Variants in SLC44A5 observed in about 807,000 individuals in gnomAD.
The protein encoded by SLC44A5 is solute carrier family 44 member 5.
SLC44A5 carries 57 observed loss-of-function variants against 101.8 expected under a neutral mutation model. That is an observed-to-expected ratio of 0.56 (90% CI 0.45 to 0.70). SLC44A5 has a LOEUF of 0.70. Ranked by LOEUF, SLC44A5 falls within the 30% of genes least tolerant of loss-of-function variation. SLC44A5 has a pLI of 0.00. For missense variants in SLC44A5, 737 were observed against 853.1 expected (o/e 0.86, Z 1.70); for synonymous variants, 281 against 290.9 (o/e 0.97, Z 0.35).
At chr1:75,342,414 A>G (rs1657952546) in intron 3 of SLC44A5, among the ~76,000 whole-genome samples, 1 of 152,172 alleles carries the variant, frequency 6.6e-6, no homozygotes, top group Non-Finnish European at 1.5e-5. Context: ...TTTCAATGTA[A>G]TAAAATATGC....
the SLC44A5 span, among the ~76,000 whole-genome samples, chr1:75,651,236 G>A: frequency 6.6e-6 from 1 of 152,008 alleles, no homozygotes; most frequent in African/African-American, 2.4e-5. Flanking sequence ...TGTAGTTTAG[G>A]GGTACTCCTT....
intron 2 of SLC44A5, among the ~76,000 whole-genome samples, chr1:75,429,711 A>G (rs1427267812): frequency 6.6e-5 from 10 of 152,018 alleles, no homozygotes; most frequent in African/African-American, 2.4e-4. Flanking sequence ...GGCAAGAGAG[A>G]GTGAGAGATC....
At chr1:75,363,762 T>C (rs1225575718) in intron 3 of SLC44A5, among the ~76,000 whole-genome samples, 1 of 152,220 alleles carries the variant, frequency 6.6e-6, no homozygotes, top group African/African-American at 2.4e-5. Flanking sequence ...CTTATTTGAT[T>C]GACTTTTGTA....
At chr1:75,569,817 T>A (rs1672980073) in intron 1 of SLC44A5, among the ~76,000 whole-genome samples, 1 of 152,196 alleles carries the variant, frequency 6.6e-6, no homozygotes, top group Non-Finnish European at 1.5e-5. Context: ...TTTGAGTTGC[T>A]CAGAAGCAGA....
intron 2 of SLC44A5, among the ~76,000 whole-genome samples, chr1:75,501,197 A>G (rs1172879740): frequency 6.6e-6 from 1 of 152,144 alleles, no homozygotes; most frequent in Non-Finnish European, 1.5e-5. Flanking sequence ...AAAAAACATA[A>G]TAAAGGCATA....
At chr1:75,308,225 T>C (rs1655049491) in intron 4 of SLC44A5, among the ~76,000 whole-genome samples, 1 of 152,228 alleles carries the variant, frequency 6.6e-6, no homozygotes, top group Non-Finnish European at 1.5e-5. Flanking sequence ...TTAAGTATTG[T>C]AGCTGCTTTA....
the SLC44A5 span, among the ~76,000 whole-genome samples, chr1:75,673,375 G>A: frequency 6.6e-6 from 1 of 152,046 alleles, no homozygotes; most frequent in Non-Finnish European, 1.5e-5. Context: ...TTCTCTTGTG[G>A]CTTGGGTTCC....
chr1:75,269,682 T>G (rs1027396480), intron 6 of SLC44A5, among the ~76,000 whole-genome samples: 1 of 152,170 alleles, frequency 6.6e-6, no homozygotes, highest in Non-Finnish European at 1.5e-5. Flanking sequence ...TGACTTGAAA[T>G]CCATCTTTAT....
chr1:75,418,292 C>T (rs890498941), intron 2 of SLC44A5, among the ~76,000 whole-genome samples: 3 of 152,014 alleles, frequency 2.0e-5, no homozygotes, highest in Non-Finnish European at 4.4e-5. Context: ...CAAGAACGTA[C>T]AAAATAGATA....
At chr1:75,417,585 T>G (rs1663736821) in intron 2 of SLC44A5, among the ~76,000 whole-genome samples, 1 of 152,250 alleles carries the variant, frequency 6.6e-6, no homozygotes, top group Non-Finnish European at 1.5e-5. Flanking sequence ...GGAATGAGTT[T>G]GGAAGACTGA....
At chr1:75,658,408 T>A in the SLC44A5 span, among the ~76,000 whole-genome samples, 2,393 of 151,164 alleles carry the variant, frequency 0.016, 75 homozygotes, top group African/African-American at 0.054. Flanking sequence ...TCAAAAAAAA[T>A]CAACATTATA....
chr1:75,386,041 C>T (rs376172140), intron 3 of SLC44A5, among the ~76,000 whole-genome samples: 2 of 152,150 alleles, frequency 1.3e-5, no homozygotes, highest in East Asian at 3.9e-4. Context: ...ATAAATTAGG[C>T]ATTGATGGGA....
At chr1:75,478,039 C>A (rs919561587) in intron 2 of SLC44A5, among the ~76,000 whole-genome samples, 6 of 152,330 alleles carry the variant, frequency 3.9e-5, no homozygotes, top group African/African-American at 1.4e-4. Context: ...GCCCATCAGA[C>A]TAACAGCGGA....
At chr1:75,624,568 G>T in the SLC44A5 span, among the ~76,000 whole-genome samples, 1 of 152,018 alleles carries the variant, frequency 6.6e-6, no homozygotes, top group African/African-American at 2.4e-5. Context: ...GAGGTCAGTA[G>T]GCCATTAGAG....
At chr1:75,702,279 G>C in the SLC44A5 span, among the ~76,000 whole-genome samples, 2 of 152,186 alleles carry the variant, frequency 1.3e-5, no homozygotes, top group Non-Finnish European at 1.5e-5. Flanking sequence ...CTACAATAAC[G>C]AAAACAGCAT....
At chr1:75,595,909 G>A (rs1312874734) in intron 1 of SLC44A5, among the ~76,000 whole-genome samples, 1 of 152,098 alleles carries the variant, frequency 6.6e-6, no homozygotes, top group African/African-American at 2.4e-5. Context: ...CTGTTAAAAA[G>A]AGATAATTTA....
chr1:75,307,872 T>C lies in SLC44A5; in HGVS notation c.102-7187A>G, dbSNP rs567757439. Among the ~76,000 whole-genome samples the C allele has an allele frequency of 3.4e-4, 52 of 152,350 alleles. 1 individual carries two copies. The highest frequency in any genetic ancestry group is 1.2e-3 in the African/African-American group (49 of 41,578). ...TGTTTCTATAAGAGGTTAAAGATTA[T>C]CTTGAAGAATTTCGCTCTGTTACTG... On this transcript the variant is annotated intron_variant, in intron 4 of 23. Coordinates refer to ENST00000370859, the MANE Select transcript of SLC44A5 (RefSeq NM_001130058.2).
intron 2 of SLC44A5, among the ~76,000 whole-genome samples, chr1:75,475,212 T>C (rs942698087): frequency 6.6e-6 from 1 of 152,216 alleles, no homozygotes; most frequent in African/African-American, 2.4e-5. Flanking sequence ...AAGAGTGGCC[T>C]TTATGTCCTC....
chr1:75,562,657 A>G (rs1672582845), intron 1 of SLC44A5, among the ~76,000 whole-genome samples: 1 of 152,136 alleles, frequency 6.6e-6, no homozygotes, highest in Non-Finnish European at 1.5e-5. Context: ...ACCGCACTTC[A>G]GCCCAGGTAA....
Sources: allele counts gnomAD v4.1 joint callset (sites outside exome capture counted in the v4.1 genomes callset), GRCh38; gene constraint gnomAD v4.1.1; transcripts MANE v1.5; gene names NCBI Gene and HGNC (gene_info 2026-07-23, HGNC 2026-07-21).